The following XPO6 variants were observed in gnomAD, a reference collection of about 807,000 sequenced individuals.
XPO6 encodes exportin 6.
XPO6 carries 3 observed loss-of-function variants against 130.0 expected under a neutral mutation model. The ratio of observed to expected loss-of-function variants is 0.02; its 90% confidence interval spans 0.01 to 0.06. The LOEUF (loss-of-function observed/expected upper bound fraction) is 0.06, where lower values mean the gene tolerates loss of function less well. Among genes scored for constraint, XPO6 ranks in the 10% least tolerant of loss-of-function variants. XPO6 has a pLI of 1.00. For missense variants in XPO6, 970 were observed against 1,393.0 expected, an observed-to-expected ratio of 0.70 and a Z score of 4.83; for synonymous variants, 524 against 548.9, an observed-to-expected ratio of 0.95 and a Z score of 0.63.
intron 13 of XPO6, 60 bp downstream of exon 13, chr16:28,125,629 C>T (rs2087379566): frequency 6.4e-7 from 1 of 1,566,168 alleles, no homozygotes; most frequent in African/African-American, 1.4e-5. Context: ...GCCCCTCACA[C>T]AAGAAGGTAA....
chr16:28,194,664 T>C (rs1310795905), intron 1 of XPO6, among the ~76,000 whole-genome samples: 1 of 152,106 alleles, frequency 6.6e-6, no homozygotes, highest in African/African-American at 2.4e-5. Context: ...GCTTTGTGAT[T>C]CTGGTTCTAA....
chr16:28,175,581 C>A (rs2043521270), intron 4 of XPO6, among the ~76,000 whole-genome samples: 1 of 152,166 alleles, frequency 6.6e-6, no homozygotes, highest in Non-Finnish European at 1.5e-5. Context: ...ATTTCCCCCA[C>A]TAAACGCCGA....
At chr16:28,157,437 A>G (rs567940373) in intron 6 of XPO6, among the ~76,000 whole-genome samples, 27 of 152,316 alleles carry the variant, frequency 1.8e-4, no homozygotes, top group Admixed American at 1.8e-3. Context: ...CCTGGGCATC[A>G]AGAGCGAAAC....
chr16:28,178,764 C>CAAA (rs139329056), intron 2 of XPO6, among the ~76,000 whole-genome samples: 1 of 138,404 alleles, frequency 7.2e-6, no homozygotes, highest in Admixed American at 7.2e-5. Flanking sequence ...CAAAACAAAA[C>CAAA]AAAAAAAAAA....
At chr16:28,131,559 G>A (rs965280444) in intron 12 of XPO6, among the ~76,000 whole-genome samples, 4 of 152,226 alleles carry the variant, frequency 2.6e-5, no homozygotes, top group African/African-American at 9.7e-5. Flanking sequence ...ATGAATGTCA[G>A]ATGTTAGCTA....
At chr16:28,204,152 G>C (rs552966083) in intron 1 of XPO6, among the ~76,000 whole-genome samples, 1 of 152,196 alleles carries the variant, frequency 6.6e-6, no homozygotes, top group Non-Finnish European at 1.5e-5. Flanking sequence ...AATTGCTCTA[G>C]ACTCTTGGGA....
Position 28,101,671 on chromosome 16 carries a change from G to A in XPO6, c.3063C>T (p.Ala1021=). 6.2e-7 allele frequency: 1 copy of A among 1,608,756 alleles called. No individual in the cohort carries two copies. Among genetic ancestry groups the A allele is most frequent in the Non-Finnish European group, 8.5e-7 (1 of 1,175,438 alleles). The change falls in exon 23 of 24, where the codon GCC becomes GCT. Residue 1021 remains alanine (A), a synonymous_variant. Transcript: ENST00000304658. The surrounding 1 kb of genome is among the most constrained non-coding windows in gnomAD (Gnocchi z 5.4). ...KLYHKKIFRT[A]MLFQFVNVLL... ...GCACGTTCACAAACTGGAACAGCATGGCAGTCCGGAAGATCTTCTGCAGGC... is the reference window on the plus strand; with the variant it reads ...GCACGTTCACAAACTGGAACAGCATAGCAGTCCGGAAGATCTTCTGCAGGC...
intron 15 of XPO6, among the ~76,000 whole-genome samples, chr16:28,114,885 A>G (rs2087016373): frequency 6.6e-6 from 1 of 152,180 alleles, no homozygotes; most frequent in Non-Finnish European, 1.5e-5. Flanking sequence ...ATCCTCTGTT[A>G]TTTCAACAAT....
chr16:28,163,447 A>T (rs1245187976), intron 6 of XPO6, among the ~76,000 whole-genome samples: 2 of 152,254 alleles, frequency 1.3e-5, no homozygotes, highest in Non-Finnish European at 2.9e-5. Context: ...ACTGCAGAGC[A>T]ATCAAAGCTA....
At chr16:28,168,313 T>C (rs1323403106) in intron 5 of XPO6, among the ~76,000 whole-genome samples, 1 of 151,966 alleles carries the variant, frequency 6.6e-6, no homozygotes, top group Non-Finnish European at 1.5e-5. Flanking sequence ...AGGGACTCTA[T>C]GTCTAGTAAA....
At chr16:28,205,041 G>A (rs967586446) in intron 1 of XPO6, among the ~76,000 whole-genome samples, 8 of 152,102 alleles carry the variant, frequency 5.3e-5, no homozygotes, top group Non-Finnish European at 1.0e-4. Context: ...CAGCCTGGGC[G>A]ACAGAGCGAG....
At chr16:28,142,319 C>T in intron 9 of XPO6, among the ~76,000 whole-genome samples, 1 of 152,198 alleles carries the variant, frequency 6.6e-6, no homozygotes, top group Admixed American at 6.5e-5. Flanking sequence ...GCTGCTCCTG[C>T]AAAACAGCAT....
At position 28,171,934 on chromosome 16, in the gene XPO6, T is replaced by G. The variant is rs1231244281; in HGVS notation, c.406-2025A>C. ...TTCTTTCTCCTCTACCTCTTTTGTC[T>G]CTATTTTCCCCTCCAGGCTGCATCC... On this transcript the variant is annotated intron_variant, in intron 4 of 23. Transcript: ENST00000304658. 8.6e-5 allele frequency among the ~76,000 whole-genome samples: 13 copies of G among 151,980 alleles called. No individual in the cohort carries two copies. In the Admixed American group the frequency reaches 8.6e-4, roughly 10 times the overall value.
intron 18 of XPO6, among the ~76,000 whole-genome samples, chr16:28,107,058 CA>C (rs1444837608): frequency 2.6e-5 from 4 of 152,186 alleles, no homozygotes; most frequent in African/African-American, 9.7e-5. Flanking sequence ...TAACTGCACG[CA>C]ATCTGCTTGC....
At position 28,146,087 on chromosome 16, in the gene XPO6, A is replaced by T. The variant is rs923641338; in HGVS notation, c.1334+7T>A. 1 of 1,601,354 alleles carries T rather than the reference A, an allele frequency of 6.2e-7. No homozygotes were observed. Among genetic ancestry groups the T allele is most frequent in the Middle Eastern group, 1.8e-4 (1 of 5,666 alleles). ...CATATCTAGTTTTCAGTGTTTGAGGAGTTTACCTGTTGAGAACTGCTTCCT... is the reference window on the plus strand; with the variant it reads ...CATATCTAGTTTTCAGTGTTTGAGGTGTTTACCTGTTGAGAACTGCTTCCT... On this transcript the variant is annotated splice_region_variant and intron_variant, in intron 9 of 23. Transcript: ENST00000304658.
At chr16:28,122,600 A>G (rs748589480) in intron 13 of XPO6, among the ~76,000 whole-genome samples, 2 of 152,034 alleles carry the variant, frequency 1.3e-5, no homozygotes, top group Non-Finnish European at 2.9e-5. Context: ...GGGTAACAGA[A>G]CAAGACCAAA....
intron 1 of XPO6, among the ~76,000 whole-genome samples, chr16:28,201,769 T>C (rs1234051353): frequency 6.6e-6 from 1 of 152,250 alleles, no homozygotes; most frequent in Non-Finnish European, 1.5e-5. Flanking sequence ...GGCAGGAGAA[T>C]GCTTGAACCC....
At chr16:28,112,875 G>C (rs1371737470) in intron 16 of XPO6, 29 bp downstream of exon 16, 5 of 1,604,808 alleles carry the variant, frequency 3.1e-6, no homozygotes, top group Non-Finnish European at 4.3e-6. Context: ...CACAGCCCTG[G>C]GGACCCCGGG....
At chr16:28,108,875 C>A (rs2086847530) in intron 17 of XPO6, among the ~76,000 whole-genome samples, 1 of 152,346 alleles carries the variant, frequency 6.6e-6, no homozygotes, top group Admixed American at 6.5e-5. Context: ...GAGAGCATCG[C>A]CCCACTCACA....
Sources: gnomAD v4.1 joint callset for allele counts (sites outside exome capture counted in the v4.1 genomes callset) on GRCh38, gnomAD v4.1.1 for gene constraint, Gnocchi (gnomAD v3.1) non-coding constraint, MANE v1.5 for transcripts, NCBI Gene and HGNC (gene_info 2026-07-23, HGNC 2026-07-21) for gene names.